Variants in SPNS3 observed in about 807,000 individuals in gnomAD.
SPNS3 encodes protein spinster homolog 3.
In SPNS3, 51 loss-of-function variants were observed where a neutral mutation model predicts 54.4. That is an observed-to-expected ratio of 0.94 (90% CI 0.75 to 1.18). The LOEUF (loss-of-function observed/expected upper bound fraction) is 1.18, where lower values mean the gene tolerates loss of function less well. SPNS3 is among the 50% of genes most tolerant of loss of function. SPNS3 has a pLI of 0.00. For synonymous variants in SPNS3, 309 were observed against 294.7 expected (o/e 1.05, Z -0.50); for missense variants, 669 against 677.4 (o/e 0.99, Z 0.14).
intron 6 of SPNS3, among the ~76,000 whole-genome samples, chr17:4,448,840 T>G (rs1340802376): frequency 6.6e-6 from 1 of 152,130 alleles, no homozygotes; most frequent in African/African-American, 2.4e-5. Flanking sequence ...TCGGGAGGAC[T>G]CAGAGGAAGA....
chr17:4,487,912 G>A lies in SPNS3; in HGVS notation c.*18G>A, dbSNP rs1401981108. The A allele has an allele frequency of 6.2e-6, 10 of 1,607,860 alleles. No individual in the cohort carries two copies. The highest frequency in any genetic ancestry group is 2.2e-5 in the East Asian group (1 of 44,896). On this transcript the variant is annotated 3_prime_UTR_variant, in exon 12 of 12. Coordinates refer to ENST00000355530, the MANE Select transcript of SPNS3 (RefSeq NM_182538.5). ...AGCCCTGAGGTCCCTGCCTACACTC[G>A]TCCTGCCTGCAAGCCTCCCGTTGGT...
Position 4,446,147 on chromosome 17 carries a change from G to A in SPNS3, c.502G>A (p.Asp168Asn). Reference protein sequence around the residue: ...PTVLGDLFVRDQRTRVLAVFY... With the variant: ...PTVLGDLFVRNQRTRVLAVFY... ...CGTCCTGGGCGACCTCTTCGTGAGG[G>A]ACCAGCGCACCCGCGTGCTGGCTGT... is the stretch of plus-strand genomic sequence containing the variant. The change falls in exon 4 of 12, where the codon GAC becomes AAC. Residue 168 changes from aspartate (D) to asparagine (N), a missense_variant. Transcript: ENST00000355530. 1.1e-5 allele frequency: 17 copies of A among 1,613,612 alleles called. No individual in the cohort carries two copies. Among genetic ancestry groups the A allele is most frequent in the Non-Finnish European group, 1.4e-5 (17 of 1,179,648 alleles).
intron 8 of SPNS3, among the ~76,000 whole-genome samples, chr17:4,455,912 C>T (rs993020903): frequency 1.3e-5 from 1 of 74,504 alleles, no homozygotes; most frequent in Non-Finnish European, 4.0e-5. Flanking sequence ...AAGCACTGCC[C>T]TCTGTGGGGG....
At chr17:4,476,832 C>T (rs1420372273) in intron 8 of SPNS3, among the ~76,000 whole-genome samples, 1 of 152,192 alleles carries the variant, frequency 6.6e-6, no homozygotes, top group Non-Finnish European at 1.5e-5. Flanking sequence ...CGCATGGCTG[C>T]TGGGACTCCT....
At position 4,460,568 on chromosome 17, in the gene SPNS3, A is replaced by G. The variant is rs956374922; in HGVS notation, c.1113+7363A>G. Among the ~76,000 whole-genome samples the G allele has an allele frequency of 4.1e-4, 61 of 149,472 alleles. 1 individual carries two copies. Among genetic ancestry groups the G allele is most frequent in the Non-Finnish European group, 6.9e-4 (47 of 67,650 alleles). On this transcript the variant is annotated intron_variant, in intron 8 of 11. Transcript: ENST00000355530. ...TGCCTCAGCCTCCCGAGTAGCTGGG[A>G]CTACAGGCGCCTGCTACCACGCCTG...
chr17:4,442,764 C>T (rs2144008706), intron 2 of SPNS3, among the ~76,000 whole-genome samples: 1 of 152,254 alleles, frequency 6.6e-6, no homozygotes, highest in East Asian at 1.9e-4. Flanking sequence ...ACTATTATGT[C>T]CATTTTACAG....
intron 8 of SPNS3, among the ~76,000 whole-genome samples, chr17:4,462,073 C>A (rs1385093269): frequency 6.6e-6 from 1 of 151,908 alleles, no homozygotes; most frequent in Non-Finnish European, 1.5e-5. Flanking sequence ...TTACTTTCTT[C>A]TACTCATCCA....
intron 8 of SPNS3, among the ~76,000 whole-genome samples, chr17:4,465,051 C>T (rs910381358): frequency 3.3e-5 from 5 of 152,228 alleles, no homozygotes; most frequent in Non-Finnish European, 5.9e-5. Flanking sequence ...ATTTATTTTG[C>T]TCACAAATTT....
intron 8 of SPNS3, among the ~76,000 whole-genome samples, chr17:4,458,630 T>TTTCTTTCTTTCTTTCC (rs1971407496): frequency 7.3e-6 from 1 of 137,078 alleles, no homozygotes; most frequent in African/African-American, 2.8e-5. Flanking sequence ...TCTTTCTTTC[T>TTTCTTTCTTTCTTTCC]TTCTTTCTTT....
At chr17:4,478,533 G>C (rs759880331) in intron 8 of SPNS3, 39 bp from the exon 9 acceptor site, 2 of 1,549,442 alleles carry the variant, frequency 1.3e-6, no homozygotes, top group South Asian at 2.4e-5. Context: ...TGGTGACTGG[G>C]ATCTGGGAAT....
chr17:4,434,632 G>A (rs868601173), intron 1 of SPNS3, among the ~76,000 whole-genome samples: 1 of 151,566 alleles, frequency 6.6e-6, no homozygotes, highest in Non-Finnish European at 1.5e-5. Context: ...GAGTAGCTGG[G>A]ATTACAGGCG....
At chr17:4,439,636 A>G (rs1411761968) in intron 1 of SPNS3, 22 bp from the exon 2 acceptor site, 4 of 1,609,672 alleles carry the variant, frequency 2.5e-6, no homozygotes, top group Non-Finnish European at 3.4e-6. Flanking sequence ...CCGTTTCCTG[A>G]GCACTGTCCC....
intron 11 of SPNS3, 134 bp from the exon 12 acceptor site, chr17:4,487,672 C>T (rs1248396300): frequency 1.2e-6 from 1 of 801,548 alleles, no homozygotes; most frequent in East Asian, 2.4e-5. Context: ...AAGGTGATGA[C>T]AAGGGGTTGG....
chr17:4,458,606 T>TTTCC (rs1971397267), intron 8 of SPNS3, among the ~76,000 whole-genome samples: 3 of 108,288 alleles, frequency 2.8e-5, no homozygotes, highest in South Asian at 6.1e-4. Context: ...TCTTTCTTTC[T>TTTCC]TTCTTTCTTT....
intron 9 of SPNS3, among the ~76,000 whole-genome samples, 192 bp downstream of exon 9, chr17:4,478,829 C>T (rs989114704): frequency 3.3e-5 from 5 of 152,180 alleles, no homozygotes; most frequent in Admixed American, 6.5e-5. Flanking sequence ...CCCGATTTTG[C>T]AGATGAACAA....
At chr17:4,445,196 C>T in intron 3 of SPNS3, 28 bp downstream of exon 3, 2 of 1,583,104 alleles carry the variant, frequency 1.3e-6, no homozygotes, top group East Asian at 2.3e-5. Flanking sequence ...TGTCCAGGCC[C>T]CTGAGGCCCC....
intron 1 of SPNS3, 52 bp downstream of exon 1, chr17:4,434,218 C>G (rs1351264098): frequency 4.7e-6 from 7 of 1,500,874 alleles, no homozygotes; most frequent in Admixed American, 1.9e-5. Context: ...GCCCACCAGC[C>G]AGGGGCTGCA....
At chr17:4,461,361 C>G (rs796919672) in intron 8 of SPNS3, among the ~76,000 whole-genome samples, 1 of 33,394 alleles carries the variant, frequency 3.0e-5, no homozygotes, top group Non-Finnish European at 6.0e-5. Context: ...CTTTTCTTTT[C>G]TTTTTTTTTT....
intron 5 of SPNS3, among the ~76,000 whole-genome samples, chr17:4,447,614 G>A (rs1182488465): frequency 1.3e-5 from 2 of 152,192 alleles, no homozygotes; most frequent in Non-Finnish European, 2.9e-5. Flanking sequence ...TTTGGGGGTG[G>A]GGTGGGCTTC....
Sources: gnomAD v4.1 joint callset for allele counts (sites outside exome capture counted in the v4.1 genomes callset) on GRCh38, gnomAD v4.1.1 for gene constraint, MANE v1.5 for transcripts, NCBI Gene and HGNC (gene_info 2026-07-23, HGNC 2026-07-21) for gene names.